Variants in LHFPL6 observed in about 807,000 individuals in gnomAD.
LHFPL6 encodes the protein LHFPL tetraspan subfamily member 6 protein.
A neutral mutation model predicts 20.6 loss-of-function variants in LHFPL6; 9 were observed. That is an observed-to-expected ratio of 0.44 (90% confidence interval 0.26 to 0.76). The LOEUF (loss-of-function observed/expected upper bound fraction) is 0.76. Ranked by LOEUF, LHFPL6 falls within the 30% of genes least tolerant of loss-of-function variation. The probability of loss-of-function intolerance (pLI) is 0.20; values close to 1 mark genes in which losing one functional copy is unlikely to be tolerated. For missense variants in LHFPL6, 218 were observed against 253.5 expected (o/e 0.86, Z 0.95); for synonymous variants, 105 against 98.7 (o/e 1.06, Z -0.38).
intron 2 of LHFPL6, among the ~76,000 whole-genome samples, chr13:39,545,162 T>G (rs1016342844): frequency 4.1e-5 from 6 of 147,318 alleles, no homozygotes; most frequent in Non-Finnish European, 7.4e-5. Flanking sequence ...AGGAGAATGG[T>G]GTGAACCCAG....
chr13:39,457,856 T>C (rs1387813933), intron 2 of LHFPL6, among the ~76,000 whole-genome samples: 1 of 152,198 alleles, frequency 6.6e-6, no homozygotes, highest in Non-Finnish European at 1.5e-5. Flanking sequence ...TTCCTATTTA[T>C]CCACTGCCTG....
At chr13:39,593,815 A>G (rs1258802534) in intron 2 of LHFPL6, among the ~76,000 whole-genome samples, 1 of 152,174 alleles carries the variant, frequency 6.6e-6, no homozygotes, top group Admixed American at 6.6e-5. Flanking sequence ...AACGCCGCAT[A>G]TCTACAACTA....
chr13:39,507,658 C>T (rs1333141033), intron 2 of LHFPL6, among the ~76,000 whole-genome samples: 1 of 152,210 alleles, frequency 6.6e-6, no homozygotes, highest in African/African-American at 2.4e-5. Context: ...TTGTCAAATA[C>T]CATCAGTAAT....
intron 2 of LHFPL6, among the ~76,000 whole-genome samples, chr13:39,521,018 T>C (rs901504829): frequency 6.6e-6 from 1 of 152,202 alleles, no homozygotes; most frequent in Non-Finnish European, 1.5e-5. Context: ...GCACCAGGCA[T>C]GATCTGAAAA....
chr13:39,448,780 T>G (rs1872362106), intron 2 of LHFPL6, among the ~76,000 whole-genome samples: 1 of 152,242 alleles, frequency 6.6e-6, no homozygotes, highest in Admixed American at 6.5e-5. Flanking sequence ...TTAAAATGCC[T>G]GTAACAGGAA....
At chr13:39,407,483 T>C (rs1440374155) in intron 2 of LHFPL6, among the ~76,000 whole-genome samples, 1 of 152,216 alleles carries the variant, frequency 6.6e-6, no homozygotes, top group Non-Finnish European at 1.5e-5. Flanking sequence ...CCCAGGTAAG[T>C]GCCAAATGGG....
At chr13:39,350,952 G>T (rs1236204928) in intron 3 of LHFPL6, among the ~76,000 whole-genome samples, 2 of 152,156 alleles carry the variant, frequency 1.3e-5, no homozygotes, top group East Asian at 3.9e-4. Context: ...GAGGTACAAA[G>T]AATCCAGTCT....
intron 2 of LHFPL6, among the ~76,000 whole-genome samples, chr13:39,561,420 C>T (rs9566459): frequency 1.3e-5 from 2 of 151,848 alleles, no homozygotes; most frequent in African/African-American, 4.8e-5. Context: ...TTGACGAGAA[C>T]CTCTCTCAGT....
At chr13:39,510,510 T>C (rs1869655137) in intron 2 of LHFPL6, among the ~76,000 whole-genome samples, 1 of 152,198 alleles carries the variant, frequency 6.6e-6, no homozygotes, top group African/African-American at 2.4e-5. Context: ...ACTTTTAGCA[T>C]TGTGGGGTGG....
At chr13:39,453,577 G>C (rs1872503018) in intron 2 of LHFPL6, among the ~76,000 whole-genome samples, 1 of 152,214 alleles carries the variant, frequency 6.6e-6, no homozygotes, top group Admixed American at 6.5e-5. Context: ...GGCAAGGCAA[G>C]TATTAGTACC....
intron 2 of LHFPL6, among the ~76,000 whole-genome samples, chr13:39,495,779 ATTTTTTTT>A (rs10558170): frequency 2.8e-4 from 25 of 89,542 alleles, no homozygotes; most frequent in Admixed American, 5.7e-4. Context: ...TAACTCAATA[ATTTTTTTT>A]TTTTTTTTTT....
At chr13:39,438,047 A>G (rs949796957) in intron 2 of LHFPL6, among the ~76,000 whole-genome samples, 10 of 152,232 alleles carry the variant, frequency 6.6e-5, no homozygotes. Context: ...AAGATGCAAC[A>G]AGGTTTGGAA....
Position 39,381,513 on chromosome 13 carries a change from G to A in LHFPL6, c.386-2987C>T, listed in dbSNP as rs11616695. Among the ~76,000 whole-genome samples the A allele has an allele frequency of 1.1e-3, 171 of 151,670 alleles. 3 individuals are homozygous for A. In the South Asian group the frequency reaches 0.028, roughly 24 times the overall value. ...TCTCTAGATACTCCCCTCCAACAAC[G>A]CATGCTTATCTAATTGTGCTCTTGC... On this transcript the variant is annotated intron_variant, in intron 2 of 3. Coordinates refer to ENST00000379589, the MANE Select transcript of LHFPL6 (RefSeq NM_005780.3).
intron 2 of LHFPL6, among the ~76,000 whole-genome samples, chr13:39,531,461 C>G (rs1377159680): frequency 1.3e-5 from 2 of 152,184 alleles, no homozygotes; most frequent in Admixed American, 1.3e-4. Context: ...TTTAAATTAA[C>G]AAAATGTACT....
At chr13:39,414,530 G>C (rs549475098) in intron 2 of LHFPL6, among the ~76,000 whole-genome samples, 3 of 152,174 alleles carry the variant, frequency 2.0e-5, no homozygotes, top group Non-Finnish European at 4.4e-5. Context: ...AGTTGAGGTA[G>C]AGCAAGGGCC....
intron 2 of LHFPL6, among the ~76,000 whole-genome samples, chr13:39,530,650 C>T (rs1404725651): frequency 6.6e-6 from 1 of 152,056 alleles, no homozygotes; most frequent in Non-Finnish European, 1.5e-5. Flanking sequence ...AATAAAACTA[C>T]GTGTTTCATA....
intron 2 of LHFPL6, among the ~76,000 whole-genome samples, chr13:39,401,925 G>A (rs1418891878): frequency 6.6e-6 from 1 of 152,022 alleles, no homozygotes; most frequent in Non-Finnish European, 1.5e-5. Context: ...ATGAACAATG[G>A]GTTATTTAGA....
At chr13:39,536,553 CT>C (rs1326090190) in intron 2 of LHFPL6, among the ~76,000 whole-genome samples, 1 of 152,130 alleles carries the variant, frequency 6.6e-6, no homozygotes, top group Non-Finnish European at 1.5e-5. Flanking sequence ...TGGCTGAGAT[CT>C]TTTCAGAACC....
chr13:39,401,719 A>G (rs949667235), intron 2 of LHFPL6, among the ~76,000 whole-genome samples: 1 of 152,188 alleles, frequency 6.6e-6, no homozygotes, highest in Admixed American at 6.5e-5. Context: ...GTCTACTTCT[A>G]TCATTTTTAT....
Sources: allele counts gnomAD v4.1 joint callset (sites outside exome capture counted in the v4.1 genomes callset), GRCh38; gene constraint gnomAD v4.1.1; transcripts MANE v1.5; gene names NCBI Gene and HGNC (gene_info 2026-07-23, HGNC 2026-07-21).